The following CCDC186 variants were observed in gnomAD, a reference collection of about 807,000 sequenced individuals.
The protein encoded by CCDC186 is coiled-coil domain-containing protein 186.
CCDC186 carries 49 observed loss-of-function variants against 113.7 expected under a neutral mutation model. The observed-to-expected ratio is 0.43, with a 90% CI of 0.34 to 0.55. The LOEUF (loss-of-function observed/expected upper bound fraction) is 0.55, where lower values mean the gene tolerates loss of function less well. Among genes scored for constraint, CCDC186 ranks in the 20% least tolerant of loss-of-function variants. The probability of loss-of-function intolerance (pLI) is 0.02; values close to 1 mark genes in which losing one functional copy is unlikely to be tolerated. For synonymous variants in CCDC186, 355 were observed against 345.8 expected (o/e 1.03, Z -0.30); for missense variants, 890 against 1,011.1 (o/e 0.88, Z 1.62).
At chr10:114,131,054 C>T in intron 12 of CCDC186, 93 bp downstream of exon 12, 4 of 1,090,382 alleles carry the variant, frequency 3.7e-6, no homozygotes, top group Non-Finnish European at 5.0e-6. Context: ...AAACATACAG[C>T]TTCAATCAAT....
chr10:114,127,359 T>G, intron 14 of CCDC186, 102 bp downstream of exon 14: 2 of 1,065,142 alleles, frequency 1.9e-6, no homozygotes, highest in Non-Finnish European at 2.7e-6. Context: ...TAATTATTTT[T>G]TGAAAGATAG....
At position 114,131,236 on chromosome 10, in the gene CCDC186, G is replaced by A. The variant is rs1420590031; in HGVS notation, c.2012C>T (p.Thr671Ile). The A allele has an allele frequency of 3.1e-6, 5 of 1,602,226 alleles. No homozygotes were observed. Among genetic ancestry groups the A allele is most frequent in the African/African-American group, 1.3e-5 (1 of 74,266 alleles). ...CRQTEVKALS[T>I]QVEELKDELV... is the part of the protein sequence containing the mutation. Reference sequence around the variant, plus strand: ...CTCATCTTTTAATTCTTCTACCTGGGTACTCAATGCTTTAACTTCTGTTTG... The same window carrying A: ...CTCATCTTTTAATTCTTCTACCTGGATACTCAATGCTTTAACTTCTGTTTG... The change falls in exon 12 of 16, where the codon ACC becomes ATC. Residue 671 changes from threonine (T) to isoleucine (I), a missense_variant. Coordinates refer to ENST00000369287, the MANE Select transcript of CCDC186 (RefSeq NM_018017.4).
At chr10:114,130,057 G>A (rs1243263710) in intron 12 of CCDC186, 86 bp from the exon 13 acceptor site, 2 of 1,153,756 alleles carry the variant, frequency 1.7e-6, no homozygotes, top group East Asian at 2.5e-5. Flanking sequence ...AATCACTGAG[G>A]CAAAAATGGC....
intron 1 of CCDC186, among the ~76,000 whole-genome samples, chr10:114,164,271 T>A (rs2032271679): frequency 6.6e-6 from 1 of 150,892 alleles, no homozygotes; most frequent in South Asian, 2.1e-4. Flanking sequence ...CAGGTGCCCA[T>A]CACTACACCT....
intron 4 of CCDC186, among the ~76,000 whole-genome samples, chr10:114,147,611 A>G (rs74710511): frequency 3.1e-4 from 47 of 152,336 alleles, no homozygotes; most frequent in Middle Eastern, 3.4e-3. Flanking sequence ...AAAGAGGTAT[A>G]GATTAGATCC....
chr10:114,145,441 C>T (rs12782041), intron 5 of CCDC186, 108 bp downstream of exon 5: 89,761 of 1,005,438 alleles, frequency 0.089, 4,530 homozygotes, highest in Middle Eastern at 0.11. Context: ...AACAACTTTA[C>T]GTTTGAGTGT....
rs1472662225 is a variant in CCDC186, at chr10:114,121,583, T to A, written c.*3560A>T. The stretch of plus-strand genomic sequence containing the variant: ...GGATTTTTTATTTTTTCTTAAATAA[T>A]GAAAATCAAACTATGATAAAAGTTA... On this transcript the variant is annotated 3_prime_UTR_variant, in exon 16 of 16. Coordinates refer to ENST00000369287, the MANE Select transcript of CCDC186 (RefSeq NM_018017.4). 1 of 152,166 alleles carries A rather than the reference T, an allele frequency of 6.6e-6. No individual in the cohort carries two copies. Among genetic ancestry groups the A allele is most frequent in the Non-Finnish European group, 1.5e-5 (1 of 68,012 alleles). 9.4% of individuals were successfully genotyped at this position (152,166 alleles called of 1,614,324 possible).
rs763932967 is a variant in CCDC186 at position 114,162,635 on chromosome 10, ACT to A, written c.632_632+1del. On this transcript the variant is annotated splice_donor_variant and coding_sequence_variant, in exon 2 of 16. Transcript: ENST00000369287. LOFTEE classifies it high-confidence loss of function. ...AATAACCTAAAGGTATAAAAAACTTACTTTTTTATGATATGTTCCTGCTGCAA... is the reference window on the plus strand; with the variant it reads ...AATAACCTAAAGGTATAAAAAACTTATTTTTATGATATGTTCCTGCTGCAA... The A allele has an allele frequency of 6.5e-7, 1 of 1,545,262 alleles. No individual in the cohort carries two copies. Among genetic ancestry groups the A allele is most frequent in the Non-Finnish European group, 8.7e-7 (1 of 1,150,434 alleles).
At position 114,127,532 on chromosome 10, in the gene CCDC186, C is replaced by A; in HGVS notation, c.2322G>T (p.Arg774=). Residue 774 remains arginine (R), a synonymous_variant, in exon 14 of 16, where the codon CGG becomes CGT. Coordinates refer to ENST00000369287, the MANE Select transcript of CCDC186 (RefSeq NM_018017.4). ...CCATAAATTCTATCTTTTCATTTTT[C>A]CGGGCATGTGCTTTTTGCAGCCTAA... ...RIVRLQKAHA[R]KNEKIEFMED... 1 of 1,614,006 alleles carries A rather than the reference C, an allele frequency of 6.2e-7. No homozygotes were observed. Among genetic ancestry groups the A allele is most frequent in the Non-Finnish European group, 8.5e-7 (1 of 1,179,984 alleles).
At chr10:114,169,258 T>TC (rs1487860615) in intron 1 of CCDC186, among the ~76,000 whole-genome samples, 1 of 137,856 alleles carries the variant, frequency 7.3e-6, no homozygotes. Context: ...TTTTTTTTTT[T>TC]CTTAAAAATG....
chr10:114,144,684 C>T (rs1182879833), intron 5 of CCDC186, 68 bp from the exon 6 acceptor site: 1 of 1,373,110 alleles, frequency 7.3e-7, no homozygotes, highest in African/African-American at 1.5e-5. Context: ...TTTATATTCC[C>T]CACAAAGTAA....
chr10:114,126,644 C>G (rs954328433), intron 14 of CCDC186, among the ~76,000 whole-genome samples: 1 of 152,204 alleles, frequency 6.6e-6, no homozygotes, highest in African/African-American at 2.4e-5. Context: ...TGTGAGACAC[C>G]ATACCTAGCT....
At chr10:114,128,384 G>A (rs2030981506) in intron 13 of CCDC186, among the ~76,000 whole-genome samples, 2 of 152,272 alleles carry the variant, frequency 1.3e-5, no homozygotes, top group South Asian at 4.1e-4. Flanking sequence ...AAATGGCAGA[G>A]CTGGGATCTA....
At chr10:114,169,348 G>T (rs1432193996) in intron 1 of CCDC186, among the ~76,000 whole-genome samples, 1 of 148,500 alleles carries the variant, frequency 6.7e-6, no homozygotes, top group Non-Finnish European at 1.5e-5. Context: ...GGGTTCCAGC[G>T]ATTCTCCCGC....
At position 114,122,455 on chromosome 10, in the gene CCDC186, A is replaced by T. The variant is rs1447225602; in HGVS notation, c.*2688T>A. The T allele has an allele frequency of 6.6e-6, 1 of 152,216 alleles. No individual in the cohort carries two copies. The highest frequency in any genetic ancestry group is 1.5e-5 in the Non-Finnish European group (1 of 68,032). 9.4% of individuals were successfully genotyped at this position (152,216 alleles called of 1,614,324 possible). A position where few individuals can be genotyped will look rare whatever the true frequency, so the allele number is the denominator to read the frequency against. Reference sequence around the variant, plus strand: ...AGTCATGGCAAATATTCACTTCAAAATTAAAACCTATTGAAGTGTATACAT... The same window carrying T: ...AGTCATGGCAAATATTCACTTCAAATTTAAAACCTATTGAAGTGTATACAT... On this transcript the variant is annotated 3_prime_UTR_variant, in exon 16 of 16. Transcript: ENST00000369287.
At chr10:114,144,688 A>G (rs2031582717) in intron 5 of CCDC186, 72 bp from the exon 6 acceptor site, 1 of 1,345,800 alleles carries the variant, frequency 7.4e-7, no homozygotes. Flanking sequence ...TATTCCCCAC[A>G]AAGTAATCAG....
chr10:114,145,681 T>C lies in CCDC186; in HGVS notation c.969A>G (p.Leu323=), dbSNP rs2031613255. The C allele has an allele frequency of 1.2e-6, 2 of 1,612,974 alleles. No individual in the cohort carries two copies. Among genetic ancestry groups the C allele is most frequent in the Non-Finnish European group, 1.7e-6 (2 of 1,179,816 alleles). The part of the protein sequence containing the change: ...MKYVRGEKES[L]DLRKEKETLE... ...GTGTCTCTTTTTCCTTTCGAAGATCTAAAGATTCCTTCTCACCTCTTACAT... is the reference window on the plus strand; with the variant it reads ...GTGTCTCTTTTTCCTTTCGAAGATCCAAAGATTCCTTCTCACCTCTTACAT... The change falls in exon 5 of 16, where the codon TTA becomes TTG. Residue 323 remains leucine (L), a synonymous_variant. Coordinates refer to ENST00000369287, the MANE Select transcript of CCDC186 (RefSeq NM_018017.4).
Position 114,126,051 on chromosome 10 carries a change from T to C in CCDC186, c.2448A>G (p.Ala816=), listed in dbSNP as rs141463418. The change falls in exon 15 of 16, where the codon GCA becomes GCG. Residue 816 remains alanine (A), a synonymous_variant. Transcript: ENST00000369287. ...TTAAATGAACTTTGTTAAAATCAGA[T>C]GCCTCTGAAGAAAGTGTGCCTGATT... is the stretch of plus-strand genomic sequence containing the variant. The part of the protein sequence containing the change: ...REESGTLSSE[A]SDFNKVHLSR... 8.1e-6 allele frequency: 13 copies of C among 1,613,924 alleles called. No individual in the cohort carries two copies. Among genetic ancestry groups the C allele is most frequent in the South Asian group, 1.1e-5 (1 of 91,088 alleles).
chr10:114,162,456 C>G (rs2032199916), intron 2 of CCDC186, 181 bp downstream of exon 2: 5 of 508,304 alleles, frequency 9.8e-6, no homozygotes, highest in African/African-American at 9.7e-5. Flanking sequence ...ACTCAGATAT[C>G]TGAAAAACTC....
Sources: allele counts gnomAD v4.1 joint callset (sites outside exome capture counted in the v4.1 genomes callset), GRCh38; gene constraint gnomAD v4.1.1; transcripts MANE v1.5; gene names NCBI Gene and HGNC (gene_info 2026-07-23, HGNC 2026-07-21).